GGT7: variants seen among roughly 807,000 people sequenced by gnomAD.
GGT7 encodes glutathione hydrolase 7.
A neutral mutation model predicts 69.2 loss-of-function variants in GGT7; 30 were observed. The observed-to-expected ratio is 0.43, with a 90% CI of 0.32 to 0.59. The LOEUF is 0.59. GGT7 is among the 20% of genes least tolerant of loss of function. The pLI is 0.05. For missense variants in GGT7, 733 were observed against 901.1 expected (o/e 0.81, Z 2.39); for synonymous variants, 388 against 391.8 (o/e 0.99, Z 0.12).
At chr20:34,860,097 TCCGGGGGGAGGGGGG>T in intron 5 of GGT7, 55 bp from the exon 6 acceptor site, 1 of 340,200 alleles carries the variant, frequency 2.9e-6, no homozygotes, top group Non-Finnish European at 5.5e-6. Flanking sequence ...TGAGGAGGGG[TCCGGGGGGAGGGGGG>T]TTCCTGGGAA....
intron 9 of GGT7, 56 bp from the exon 10 acceptor site, chr20:34,854,675 C>G: frequency 6.4e-7 from 1 of 1,574,082 alleles, no homozygotes; most frequent in Non-Finnish European, 8.7e-7. Flanking sequence ...AGAACCCACA[C>G]CCAGTGGACT....
intron 13 of GGT7, 197 bp downstream of exon 13, chr20:34,851,034 C>A (rs1352240013): frequency 2.9e-6 from 2 of 682,788 alleles, no homozygotes; most frequent in African/African-American, 1.8e-5. Flanking sequence ...AGACAGGGAG[C>A]ATCAGGGCTC....
chr20:34,856,393 G>A (rs1378647998), intron 8 of GGT7, among the ~76,000 whole-genome samples: 1 of 152,278 alleles, frequency 6.6e-6, no homozygotes, highest in East Asian at 1.9e-4. Flanking sequence ...TTGGCACTAT[G>A]AGGAGCTGGG....
Position 34,854,566 on chromosome 20 carries a change from A to C in GGT7, c.1284T>G (p.Asp428Glu). ...LASRLGDPVYDSTITESMDDM... is the reference protein window; with the variant it reads ...LASRLGDPVYESTITESMDDM... Reference sequence around the variant, plus strand: ...CATCCATGCTCTCAGTGATGGTAGAATCATAGACGGGATCTCCCAGTCTGC... The same window carrying C: ...CATCCATGCTCTCAGTGATGGTAGACTCATAGACGGGATCTCCCAGTCTGC... The change falls in exon 10 of 15, where the codon GAT (aspartate) becomes GAG (glutamate). Residue 428 changes from aspartate to glutamate, a missense_variant. Coordinates refer to ENST00000336431, the MANE Select transcript of GGT7 (RefSeq NM_178026.3). 2 of 1,613,186 alleles carry C rather than the reference A, an allele frequency of 1.2e-6. No individual in the cohort carries two copies. Among genetic ancestry groups the C allele is most frequent in the Non-Finnish European group, 1.7e-6 (2 of 1,179,194 alleles).
rs533561120 is a variant in GGT7 at position 34,860,637 on chromosome 20, CTTTTTTTTTT to C, written c.676-326_676-317del. On this transcript the variant is annotated intron_variant, in intron 4 of 14. Transcript: ENST00000336431. ...TACATTGGATTTCACCAACCCCTGCCTTTTTTTTTTTTTTTTTTTTTTTTTCCTGTTACCC... is the reference window on the plus strand; with the variant it reads ...TACATTGGATTTCACCAACCCCTGCCTTTTTTTTTTTTTTTCCTGTTACCC... 1.1e-3 allele frequency among the ~76,000 whole-genome samples: 121 copies of C among 113,858 alleles called. 1 individual carries two copies. The highest frequency in any genetic ancestry group is 5.0e-3 in the South Asian group (16 of 3,172). 74.7% of individuals were successfully genotyped at this position (113,858 alleles called of 152,430 possible).
Position 34,860,279 on chromosome 20 carries a change from G to A in GGT7, c.718C>T (p.His240Tyr). ...VGVPGMVKGLHEAHQLYGRLP... is the reference protein window; with the variant it reads ...VGVPGMVKGLYEAHQLYGRLP... ...CTGCCATAGAGCTGGTGAGCTTCAT[G>A]TAGCCCCTTCACCATTCCGGGAACC... Residue 240 changes from histidine to tyrosine, a missense_variant, in exon 5 of 15, where the codon CAT (histidine) becomes TAT (tyrosine). By Grantham distance (83) the His-to-Tyr change is moderately conservative (BLOSUM62 2). Transcript: ENST00000336431. 4 of 1,613,856 alleles carry A rather than the reference G, an allele frequency of 2.5e-6. No individual in the cohort carries two copies. Among genetic ancestry groups the A allele is most frequent in the Non-Finnish European group, 3.4e-6 (4 of 1,179,818 alleles).
In GGT7 at chr20:34,849,991, C is replaced by T. The variant is rs1232478790; in HGVS notation, c.1795G>A (p.Asp599Asn). ...DSLARGRLHP[D>N]LQSNLLQVDS... ...ACCTGCAGGAGGTTGGACTGCAGGTCCGGGTGTAGGCGGCCGCGGGCCAGG... is the reference window on the plus strand; with the variant it reads ...ACCTGCAGGAGGTTGGACTGCAGGTTCGGGTGTAGGCGGCCGCGGGCCAGG... The change falls in exon 14 of 15, where the codon GAC becomes AAC. Residue 599 changes from aspartate (D) to asparagine (N), a missense_variant. Coordinates refer to ENST00000336431, the MANE Select transcript of GGT7 (RefSeq NM_178026.3). 6.2e-7 allele frequency: 1 copy of T among 1,613,412 alleles called. No individual in the cohort carries two copies. The highest frequency in any genetic ancestry group is 8.5e-7 in the Non-Finnish European group (1 of 1,179,472).
chr20:34,864,859 G>A (rs1295067351), intron 1 of GGT7, among the ~76,000 whole-genome samples: 1 of 152,020 alleles, frequency 6.6e-6, no homozygotes, highest in African/African-American at 2.4e-5. Flanking sequence ...TTTCGCTCTT[G>A]TTGCCCAGGC....
intron 3 of GGT7, among the ~76,000 whole-genome samples, chr20:34,862,175 T>C (rs2079607540): frequency 6.6e-6 from 1 of 152,166 alleles, no homozygotes; most frequent in Non-Finnish European, 1.5e-5. Context: ...AACTGGACAG[T>C]GCATGCCCAT....
intron 7 of GGT7, among the ~76,000 whole-genome samples, chr20:34,859,031 G>A (rs2079538621): frequency 1.3e-5 from 2 of 152,148 alleles, no homozygotes; most frequent in African/African-American, 4.8e-5. Flanking sequence ...TTAGCTGGGT[G>A]TGGTGGTGCA....
At chr20:34,859,858 C>A in intron 6 of GGT7, 111 bp downstream of exon 6, 1 of 874,916 alleles carries the variant, frequency 1.1e-6, no homozygotes, top group South Asian at 1.5e-5. Flanking sequence ...GGGAGGGGGT[C>A]TGAGGAGCAA....
In GGT7 at chr20:34,863,265, C is replaced by G; in HGVS notation, c.405+48G>C. 1 of 1,320,982 alleles carries G rather than the reference C, an allele frequency of 7.6e-7. No individual in the cohort carries two copies. Among genetic ancestry groups the G allele is most frequent in the Non-Finnish European group, 1.1e-6 (1 of 936,838 alleles). The allele number at this position is 1,320,982 out of a possible 1,614,324, so 81.8% of individuals were successfully genotyped here. A position where few individuals can be genotyped will look rare whatever the true frequency, so the allele number is the denominator to read the frequency against. ...TTCCACAGTTCCTCAAACATTACCC[C>G]ACTCCCCACTCCCCAGTTTCCTCCC... On this transcript the variant is annotated intron_variant, in intron 2 of 14. Transcript: ENST00000336431. The surrounding 1 kb of genome is among the most constrained non-coding windows in gnomAD (Gnocchi z 4.4).
At chr20:34,870,475 G>GT (rs1232992220) in intron 1 of GGT7, among the ~76,000 whole-genome samples, 3 of 152,018 alleles carry the variant, frequency 2.0e-5, no homozygotes, top group African/African-American at 2.4e-5. Context: ...AGAGATGAGG[G>GT]TTTTTTTTGT....
At chr20:34,872,578 G>A in intron 1 of GGT7, 69 bp downstream of exon 1, 1 of 1,096,142 alleles carries the variant, frequency 9.1e-7, no homozygotes, top group East Asian at 3.2e-5. Context: ...GGAGGTGGAT[G>A]CTTGACACAG....
rs1360387096 is a variant in GGT7, at chr20:34,845,279, T to C, written c.*49A>G. 1.3e-6 allele frequency: 2 copies of C among 1,554,218 alleles called. No homozygotes were observed. The highest frequency in any genetic ancestry group is 1.9e-5 in the Admixed American group (1 of 53,300). Reference sequence around the variant, plus strand: ...CCAAACCTGGGAGAAGGAGGGACTCTGGGAACATGCAAAGTGGGGGAGCAG... The same window carrying C: ...CCAAACCTGGGAGAAGGAGGGACTCCGGGAACATGCAAAGTGGGGGAGCAG... On this transcript the variant is annotated 3_prime_UTR_variant, in exon 15 of 15. Coordinates refer to ENST00000336431, the MANE Select transcript of GGT7 (RefSeq NM_178026.3).
intron 14 of GGT7, 80 bp from the exon 15 acceptor site, chr20:34,845,571 T>C: frequency 8.2e-7 from 1 of 1,213,320 alleles, no homozygotes; most frequent in East Asian, 2.3e-5. Context: ...ACCTGAGTCC[T>C]CATCCTGGCT....
Position 34,856,880 on chromosome 20 carries a change from C to G in GGT7, c.1028G>C (p.Gly343Ala), listed in dbSNP as rs768342268. Residue 343 changes from glycine (G) to alanine (A), a missense_variant, in exon 8 of 15, where the codon GGG becomes GCG. Gly to Ala is a moderately conservative substitution (Grantham distance 60). Coordinates refer to ENST00000336431, the MANE Select transcript of GGT7 (RefSeq NM_178026.3). ...LEMVAEAQHA[G>A]GVITEEDFSN... ...GAAGTCCTCTTCGGTTATGACACCC[C>G]CTGCGTGCTGAGCCTGGAGGGAAGA... 12 of 1,607,954 alleles carry G rather than the reference C, an allele frequency of 7.5e-6. No homozygotes were observed. The East Asian group carries it at 1.3e-4, about 18-fold the overall frequency.
chr20:34,856,669 C>A, intron 8 of GGT7, 137 bp downstream of exon 8: 1 of 644,786 alleles, frequency 1.6e-6, no homozygotes, highest in Non-Finnish European at 2.8e-6. Context: ...TTTGCTTCAA[C>A]AGTTGACTGC....
At chr20:34,846,909 A>C (rs555946076) in intron 14 of GGT7, among the ~76,000 whole-genome samples, 1 of 152,052 alleles carries the variant, frequency 6.6e-6, no homozygotes, top group Admixed American at 6.5e-5. Context: ...GTGCCTTTGC[A>C]CTTACTGTTC....
Sources: allele counts gnomAD v4.1 joint callset (sites outside exome capture counted in the v4.1 genomes callset), GRCh38; gene constraint gnomAD v4.1.1; non-coding constraint Gnocchi (gnomAD v3.1); transcripts MANE v1.5; gene names NCBI Gene and HGNC (gene_info 2026-07-23, HGNC 2026-07-21).